Variants in DPY19L3 observed in about 807,000 individuals in gnomAD.
DPY19L3 encodes protein C-mannosyl-transferase DPY19L3.
Under a neutral mutation model 92.3 loss-of-function variants are expected in DPY19L3, and 51 were observed. The ratio of observed to expected loss-of-function variants is 0.55; its 90% CI spans 0.44 to 0.70. The LOEUF (loss-of-function observed/expected upper bound fraction) is 0.70. DPY19L3 is among the 30% of genes least tolerant of loss of function. The pLI, the probability that DPY19L3 is intolerant of heterozygous loss-of-function variation, is 0.00. For synonymous variants in DPY19L3, 309 were observed against 315.2 expected (o/e 0.98, Z 0.21); for missense variants, 706 against 855.9 (o/e 0.82, Z 2.18).
chr19:32,458,369 C>CT lies in DPY19L3; in HGVS notation c.1183dup (p.Tyr395LeufsTer4), dbSNP rs1171822441. On this transcript the variant is annotated frameshift_variant, in exon 12 of 19. Coordinates refer to ENST00000392250, the MANE Select transcript of DPY19L3 (RefSeq NM_001172774.2). LOFTEE classifies it high-confidence loss of function. ...TCCCTAGGGATTTTGATGCAAATCT[C>CT]TATCTGTGTGAAGAAGCTTTTGGCC... is the stretch of plus-strand genomic sequence containing the variant. 1.9e-6 allele frequency: 3 copies of CT among 1,612,352 alleles called. No individual in the cohort carries two copies. The highest frequency in any genetic ancestry group is 1.1e-5 in the South Asian group (1 of 90,580).
At chr19:32,429,345 C>T (rs1029723599) in intron 3 of DPY19L3, among the ~76,000 whole-genome samples, 2 of 152,130 alleles carry the variant, frequency 1.3e-5, no homozygotes, top group African/African-American at 2.4e-5. Flanking sequence ...ATCTACCAAG[C>T]GAAGTATAAA....
At chr19:32,480,779 C>T in intron 18 of DPY19L3, 1 of 599,474 alleles carries the variant, frequency 1.7e-6, no homozygotes, top group South Asian at 2.1e-5. Flanking sequence ...CCCTGGGTCC[C>T]CAGTGTCACA....
At chr19:32,431,376 C>A (rs1319529549) in intron 3 of DPY19L3, among the ~76,000 whole-genome samples, 64 of 144,828 alleles carry the variant, frequency 4.4e-4, no homozygotes, top group African/African-American at 5.1e-4. Flanking sequence ...AACTCCGTCT[C>A]AAAAAAAAAA....
At chr19:32,449,247 A>G (rs1969618139) in intron 8 of DPY19L3, among the ~76,000 whole-genome samples, 1 of 152,232 alleles carries the variant, frequency 6.6e-6, no homozygotes, top group Non-Finnish European at 1.5e-5. Flanking sequence ...GCTTTACAAA[A>G]CACCACAAAG....
At chr19:32,477,715 ATG>A (rs1970554755) in intron 17 of DPY19L3, 61 bp downstream of exon 17, 1 of 1,602,004 alleles carries the variant, frequency 6.2e-7, no homozygotes, top group Non-Finnish European at 8.5e-7. Context: ...GCGTGTCCCT[ATG>A]TGTGGTAAAG....
intron 3 of DPY19L3, among the ~76,000 whole-genome samples, chr19:32,414,593 CAAA>C (rs917176857): frequency 8.8e-6 from 1 of 113,646 alleles, no homozygotes. Flanking sequence ...GATTTCATCT[CAAA>C]AAAAAAAAAA....
At chr19:32,432,914 A>G in intron 4 of DPY19L3, 108 bp downstream of exon 4, 1 of 843,346 alleles carries the variant, frequency 1.2e-6, no homozygotes, top group South Asian at 1.6e-5. Context: ...GAACATGTGT[A>G]TTTTTCCGTG....
chr19:32,427,968 C>CTTTTTTTTT (rs35644896), intron 3 of DPY19L3: 1 of 103,842 alleles, frequency 9.6e-6, no homozygotes. Flanking sequence ...GTAAACAAAT[C>CTTTTTTTTT]TTTTTTTTTT....
At chr19:32,406,851 T>A (rs1327773916) in intron 1 of DPY19L3, among the ~76,000 whole-genome samples, 1 of 152,172 alleles carries the variant, frequency 6.6e-6, no homozygotes, top group Non-Finnish European at 1.5e-5. Context: ...AAAAGTCCTC[T>A]CACACTTAGG....
chr19:32,446,187 T>C (rs1055026331), intron 8 of DPY19L3, among the ~76,000 whole-genome samples: 2 of 152,138 alleles, frequency 1.3e-5, no homozygotes, highest in South Asian at 4.1e-4. Context: ...TAATAAGTTA[T>C]TAATGCATAA....
At position 32,437,191 on chromosome 19, in the gene DPY19L3, C is replaced by T. The variant is rs1168296184; in HGVS notation, c.451-3C>T. The stretch of plus-strand genomic sequence containing the variant: ...AAACATGTTTTATTGTTCCCTTTTA[C>T]AGAAATATTTAGAGCCAGTTTATTT... On this transcript the variant is annotated splice_polypyrimidine_tract_variant and splice_region_variant and intron_variant, in intron 5 of 18. Coordinates refer to ENST00000392250, the MANE Select transcript of DPY19L3 (RefSeq NM_001172774.2). 3 of 1,613,764 alleles carry T rather than the reference C, an allele frequency of 1.9e-6. No homozygotes were observed. The highest frequency in any genetic ancestry group is 2.5e-6 in the Non-Finnish European group (3 of 1,179,962).
rs192954296 is a variant in DPY19L3, at chr19:32,462,049, T to C, written c.1323-1317T>C. 3.9e-3 allele frequency among the ~76,000 whole-genome samples: 596 copies of C among 152,342 alleles called. 3 individuals carry two copies. The highest frequency in any genetic ancestry group is 6.5e-3 in the Non-Finnish European group (445 of 68,032). On this transcript the variant is annotated intron_variant, in intron 12 of 18. Transcript: ENST00000392250. ...ATACATATATCCCTGTGATAAAGTT[T>C]AATTTATAAATTAATCATGGTAAGA...
In DPY19L3 at chr19:32,437,281, C is replaced by G. The variant is rs752584836; in HGVS notation, c.538C>G (p.Leu180Val). ...CACAGCTCTCTACATAACCAGCTGGCTACTCAGTGGTACATGGCTGTCAGG... is the reference window on the plus strand; with the variant it reads ...CACAGCTCTCTACATAACCAGCTGGGTACTCAGTGGTACATGGCTGTCAGG... ...YVTALYITSW[L>V]LSGTWLSGLL... Residue 180 changes from leucine to valine, a missense_variant, in exon 6 of 19, where the codon CTA becomes GTA. Physicochemically the swap from Leu to Val is conservative, Grantham distance 32 (BLOSUM62 1). Transcript: ENST00000392250. 1.2e-6 allele frequency: 2 copies of G among 1,614,120 alleles called. No individual in the cohort carries two copies.
chr19:32,454,620 G>C (rs1004960190), intron 9 of DPY19L3, among the ~76,000 whole-genome samples: 1 of 152,054 alleles, frequency 6.6e-6, no homozygotes, highest in Non-Finnish European at 1.5e-5. Context: ...TGTTCAGTCA[G>C]CGTATCCTGA....
At chr19:32,413,166 A>G (rs909001195) in intron 3 of DPY19L3, 2 of 152,206 alleles carry the variant, frequency 1.3e-5, no homozygotes, top group Non-Finnish European at 2.9e-5. Flanking sequence ...TGTAAAAATA[A>G]ACAAACACCT....
At chr19:32,407,270 C>CT (rs1555714154) in intron 1 of DPY19L3, among the ~76,000 whole-genome samples, 5 of 126,084 alleles carry the variant, frequency 4.0e-5, no homozygotes, top group Admixed American at 2.4e-4. Flanking sequence ...CTGCTCCCCC[C>CT]CACCCATTAC....
rs144635634 is a variant in DPY19L3 at position 32,445,638 on chromosome 19, G to A, written c.855+5728G>A. Among the ~76,000 whole-genome samples the A allele has an allele frequency of 3.9e-5, 6 of 152,182 alleles. No homozygotes were observed. In the East Asian group the frequency reaches 1.2e-3, roughly 29 times the overall value. ...GGAATTTAAGAGCATCAGAAAGGAAGACAAGGCAATGAAAAAAGTAAAAAT... is the reference window on the plus strand; with the variant it reads ...GGAATTTAAGAGCATCAGAAAGGAAAACAAGGCAATGAAAAAAGTAAAAAT... On this transcript the variant is annotated intron_variant, in intron 8 of 18. Coordinates refer to ENST00000392250, the MANE Select transcript of DPY19L3 (RefSeq NM_001172774.2).
At chr19:32,411,401 T>G in intron 3 of DPY19L3, 29 bp downstream of exon 3, 2 of 1,612,866 alleles carry the variant, frequency 1.2e-6, no homozygotes. Flanking sequence ...CATTGTATCA[T>G]TCACTCAGTG....
intron 18 of DPY19L3, 118 bp downstream of exon 18, chr19:32,480,675 A>G: frequency 1.5e-6 from 2 of 1,315,960 alleles, no homozygotes; most frequent in Non-Finnish European, 2.0e-6. Flanking sequence ...CTACGAATCA[A>G]GTATTTGCTT....
Sources: gnomAD v4.1 joint callset for allele counts (sites outside exome capture counted in the v4.1 genomes callset) on GRCh38, gnomAD v4.1.1 for gene constraint, MANE v1.5 for transcripts, NCBI Gene and HGNC (gene_info 2026-07-23, HGNC 2026-07-21) for gene names.